The following SPATS2 variants were observed in gnomAD, a reference collection of about 807,000 sequenced individuals.
The protein encoded by SPATS2 is spermatogenesis-associated serine-rich protein 2.
SPATS2 carries 38 observed loss-of-function variants against 63.7 expected under a neutral mutation model. That is an observed-to-expected ratio of 0.60 (90% CI 0.46 to 0.78). SPATS2 has a LOEUF of 0.78. Among genes scored for constraint, SPATS2 ranks in the 30% least tolerant of loss-of-function variants. SPATS2 has a pLI of 0.00. For synonymous variants in SPATS2, 207 were observed against 232.9 expected (o/e 0.89, Z 1.01); for missense variants, 588 against 666.2 (o/e 0.88, Z 1.29).
intron 3 of SPATS2, among the ~76,000 whole-genome samples, chr12:49,461,856 T>C (rs182386715): frequency 1.8e-4 from 28 of 152,296 alleles, no homozygotes; most frequent in African/African-American, 6.3e-4. Context: ...AGTAAATCTA[T>C]AGGAAGAATC....
At chr12:49,385,101 A>G (rs11612426) in intron 2 of SPATS2, among the ~76,000 whole-genome samples, 13,979 of 151,958 alleles carry the variant, frequency 0.092, 744 homozygotes, top group African/African-American at 0.14. Flanking sequence ...GACCCACTGC[A>G]CCCAGTCCAT....
intron 3 of SPATS2, among the ~76,000 whole-genome samples, chr12:49,465,509 T>A (rs1346787683): frequency 1.3e-5 from 2 of 152,216 alleles, no homozygotes; most frequent in African/African-American, 4.8e-5. Flanking sequence ...TGGTGAAATG[T>A]CTGTTCAAAT....
At chr12:49,367,905 A>G (rs1943930512) in intron 1 of SPATS2, among the ~76,000 whole-genome samples, 3 of 152,148 alleles carry the variant, frequency 2.0e-5, no homozygotes, top group African/African-American at 7.2e-5. Context: ...GCGAGATAGA[A>G]CGAAAGAATA....
chr12:49,475,297 G>A (rs995147524), intron 3 of SPATS2, among the ~76,000 whole-genome samples: 35 of 152,188 alleles, frequency 2.3e-4, no homozygotes, highest in African/African-American at 8.2e-4. Context: ...ATATGCTTAA[G>A]TTGTATGAAT....
chr12:49,435,547 A>G (rs745640344), intron 2 of SPATS2, among the ~76,000 whole-genome samples: 6 of 143,380 alleles, frequency 4.2e-5, no homozygotes, highest in Non-Finnish European at 4.5e-5. Context: ...GCTGGTCTGG[A>G]ACTCCTGAGC....
intron 3 of SPATS2, among the ~76,000 whole-genome samples, chr12:49,467,015 TAA>T (rs1360223878): frequency 1.3e-5 from 2 of 151,678 alleles, no homozygotes; most frequent in African/African-American, 4.8e-5. Context: ...GCATTTTTCT[TAA>T]GTTTATTGTT....
chr12:49,415,228 A>G (rs368067504), intron 2 of SPATS2, among the ~76,000 whole-genome samples: 2 of 151,728 alleles, frequency 1.3e-5, no homozygotes, highest in East Asian at 3.9e-4. Context: ...TATTTTTAGC[A>G]GAGATGGGGT....
chr12:49,460,957 C>A lies in SPATS2; in HGVS notation c.-56C>A. On this transcript the variant is annotated 5_prime_UTR_variant, in exon 3 of 14. Coordinates refer to ENST00000552918, the MANE Select transcript of SPATS2 (RefSeq NM_023071.4). The stretch of plus-strand genomic sequence containing the variant: ...ATCAGAGATACCTACACTCAAAACC[C>A]AGACAAGGCAAAAGGATACTTTTCT... 6.2e-7 allele frequency: 1 copy of A among 1,605,962 alleles called. No individual in the cohort carries two copies. The highest frequency in any genetic ancestry group is 8.5e-7 in the Non-Finnish European group (1 of 1,174,146).
At chr12:49,454,046 G>A (rs1056996135) in intron 2 of SPATS2, among the ~76,000 whole-genome samples, 3 of 151,770 alleles carry the variant, frequency 2.0e-5, no homozygotes, top group African/African-American at 7.3e-5. Context: ...TGTATTTTTA[G>A]TAGAGACAGG....
At chr12:49,420,207 ATTAAAATTT>A (rs1225519460) in intron 2 of SPATS2, among the ~76,000 whole-genome samples, 4 of 152,344 alleles carry the variant, frequency 2.6e-5, no homozygotes, top group Admixed American at 2.0e-4. Context: ...GAGCTTTTGC[ATTAAAATTT>A]TTTTATTTTC....
chr12:49,435,214 T>C (rs1201790779), intron 2 of SPATS2, among the ~76,000 whole-genome samples: 1 of 151,860 alleles, frequency 6.6e-6, no homozygotes, highest in African/African-American at 2.4e-5. Flanking sequence ...GTATTTTTAG[T>C]AGAGGCGGGG....
intron 9 of SPATS2, among the ~76,000 whole-genome samples, chr12:49,504,621 T>A (rs1401068344): frequency 1.3e-5 from 2 of 152,026 alleles, no homozygotes; most frequent in African/African-American, 4.8e-5. Context: ...GAGAAATGGG[T>A]AAGAGAAAAA....
At chr12:49,464,791 T>C (rs555948365) in intron 3 of SPATS2, among the ~76,000 whole-genome samples, 1 of 152,204 alleles carries the variant, frequency 6.6e-6, no homozygotes, top group East Asian at 1.9e-4. Context: ...ATCACTACAC[T>C]CTAGCCTGGG....
intron 2 of SPATS2, among the ~76,000 whole-genome samples, chr12:49,402,323 G>A (rs533316248): frequency 1.3e-4 from 20 of 152,322 alleles, no homozygotes; most frequent in African/African-American, 4.8e-4. Context: ...TGAACTTGAA[G>A]CTGAGGAGGA....
At chr12:49,380,600 A>G (rs111748284) in intron 2 of SPATS2, among the ~76,000 whole-genome samples, 13,973 of 151,906 alleles carry the variant, frequency 0.092, 742 homozygotes, top group African/African-American at 0.14. Context: ...CAGCTACTTG[A>G]GAGGCTGAGA....
At chr12:49,404,982 C>T (rs966861762) in intron 2 of SPATS2, among the ~76,000 whole-genome samples, 2 of 144,186 alleles carry the variant, frequency 1.4e-5, no homozygotes, top group Admixed American at 6.7e-5. Flanking sequence ...CAACCATGCT[C>T]ATTTTTTTTT....
At chr12:49,385,874 G>GTTTTTTGT (rs1555178280) in intron 2 of SPATS2, among the ~76,000 whole-genome samples, 287 of 139,904 alleles carry the variant, frequency 2.1e-3, no homozygotes, top group Admixed American at 3.7e-3. Context: ...TTTGTTTTTT[G>GTTTTTTGT]TTTTTTTTTT....
At chr12:49,444,887 A>G (rs1231768920) in intron 2 of SPATS2, among the ~76,000 whole-genome samples, 1 of 152,208 alleles carries the variant, frequency 6.6e-6, no homozygotes, top group Non-Finnish European at 1.5e-5. Context: ...TACAGGTGTC[A>G]GCCACTGCAC....
intron 3 of SPATS2, among the ~76,000 whole-genome samples, chr12:49,461,886 A>G (rs1051761310): frequency 6.6e-6 from 1 of 152,232 alleles, no homozygotes; most frequent in Non-Finnish European, 1.5e-5. Flanking sequence ...AGGAATGCTT[A>G]GATTACTAAA....
Sources: allele counts gnomAD v4.1 joint callset (sites outside exome capture counted in the v4.1 genomes callset), GRCh38; gene constraint gnomAD v4.1.1; transcripts MANE v1.5; gene names NCBI Gene and HGNC (gene_info 2026-07-23, HGNC 2026-07-21).